The following UBE3C variants were observed in gnomAD, a reference collection of about 807,000 sequenced individuals.
The protein encoded by UBE3C is ubiquitin protein ligase E3C.
UBE3C carries 42 observed loss-of-function variants against 129.4 expected under a neutral mutation model. The observed-to-expected ratio is 0.32, with a 90% confidence interval of 0.25 to 0.42. The LOEUF is 0.42. Ranked by LOEUF, UBE3C falls within the 10% of genes least tolerant of loss-of-function variation. The pLI is 1.00. For synonymous variants in UBE3C, 510 were observed against 492.4 expected, an observed-to-expected ratio of 1.04 and a Z score of -0.47; for missense variants, 1,049 against 1,319.1, an observed-to-expected ratio of 0.80 and a Z score of 3.17.
At chr7:157,250,297 C>T (rs775264756) in intron 19 of UBE3C, among the ~76,000 whole-genome samples, 1 of 152,182 alleles carries the variant, frequency 6.6e-6, no homozygotes, top group Non-Finnish European at 1.5e-5. Flanking sequence ...CGGTTCACTG[C>T]ACCCTCAGCC....
intron 13 of UBE3C, among the ~76,000 whole-genome samples, chr7:157,215,080 C>G (rs1809697175): frequency 6.6e-6 from 1 of 152,210 alleles, no homozygotes; most frequent in Non-Finnish European, 1.5e-5. Flanking sequence ...TAAAATGCCA[C>G]AAGAGAATCG....
intron 21 of UBE3C, 38 bp downstream of exon 21, chr7:157,254,348 TGCAGGTGG>T (rs746542848): frequency 4.2e-5 from 53 of 1,274,676 alleles, no homozygotes; most frequent in Non-Finnish European, 5.4e-5. Context: ...CTGAAAATGT[TGCAGGTGG>T]TCATATTTCC....
At chr7:157,205,079 A>G (rs1809396057) in intron 11 of UBE3C, among the ~76,000 whole-genome samples, 1 of 152,214 alleles carries the variant, frequency 6.6e-6, no homozygotes, top group African/African-American at 2.4e-5. Context: ...TAAGTTGCAG[A>G]CTTTATTTGC....
chr7:157,254,499 G>A (rs1796697840), intron 21 of UBE3C, among the ~76,000 whole-genome samples, 189 bp downstream of exon 21: 1 of 151,654 alleles, frequency 6.6e-6, no homozygotes, highest in South Asian at 2.1e-4. Flanking sequence ...CCGGGTTCAA[G>A]CAATTCTCCT....
chr7:157,245,156 C>T (rs1229402418), intron 18 of UBE3C, among the ~76,000 whole-genome samples: 1 of 152,116 alleles, frequency 6.6e-6, no homozygotes, highest in Admixed American at 6.6e-5. Flanking sequence ...TTAAACCTGC[C>T]TCATGTAAAA....
chr7:157,191,391 G>T (rs958940397), intron 10 of UBE3C, among the ~76,000 whole-genome samples: 1 of 152,172 alleles, frequency 6.6e-6, no homozygotes, highest in African/African-American at 2.4e-5. Context: ...CCCAGGCTCA[G>T]GTGATCCTCC....
intron 8 of UBE3C, 74 bp downstream of exon 8, chr7:157,182,402 T>C (rs1808690137): frequency 6.8e-7 from 1 of 1,461,344 alleles, no homozygotes; most frequent in South Asian, 1.3e-5. Flanking sequence ...GAGAAGGCCA[T>C]GCAGTGGCAG....
Position 157,254,255 on chromosome 7 carries a change from T to G in UBE3C, c.2895T>G (p.Ser965=), listed in dbSNP as rs773376083. ...ACTTTTTTCCTTAGGTATTAATTTCTGGTGCACAAGTTCCCATAAGCCTAG... is the reference window on the plus strand; with the variant it reads ...ACTTTTTTCCTTAGGTATTAATTTCGGGTGCACAAGTTCCCATAAGCCTAG... ...FDQQEIQVLI[S]GAQVPISLED... is the part of the protein sequence containing the mutation. The change falls in exon 21 of 23, where the codon TCT becomes TCG. Residue 965 remains serine, a synonymous_variant. Transcript: ENST00000348165. The G allele has an allele frequency of 6.2e-7, 1 of 1,613,702 alleles. No individual in the cohort carries two copies. The highest frequency in any genetic ancestry group is 8.5e-7 in the Non-Finnish European group (1 of 1,179,912).
intron 10 of UBE3C, among the ~76,000 whole-genome samples, chr7:157,201,206 C>G (rs919609813): frequency 2.0e-5 from 3 of 151,854 alleles, no homozygotes; most frequent in Non-Finnish European, 4.4e-5. Context: ...CACCTGTAAT[C>G]CCAGGTACTC....
At chr7:157,198,036 A>T (rs1809172148) in intron 10 of UBE3C, 1 of 1,605,264 alleles carries the variant, frequency 6.2e-7, no homozygotes, top group Admixed American at 1.7e-5. Context: ...ACCATGAACA[A>T]GGCACTGAAG....
At chr7:157,161,320 TAAGTA>T (rs1193067799) in intron 1 of UBE3C, among the ~76,000 whole-genome samples, 15 of 152,240 alleles carry the variant, frequency 9.9e-5, no homozygotes, top group African/African-American at 2.7e-4. Flanking sequence ...TAAAGAATAT[TAAGTA>T]AACAATCATG....
At chr7:157,139,427 A>C in intron 1 of UBE3C, 89 bp downstream of exon 1, 1 of 1,206,432 alleles carries the variant, frequency 8.3e-7, no homozygotes, top group Non-Finnish European at 1.1e-6. Flanking sequence ...TCGGGGCTGG[A>C]CTCGGGGCCG....
In UBE3C at chr7:157,267,596, C is replaced by T. The variant is rs375084890; in HGVS notation, c.3093C>T (p.Pro1031=). 3.3e-5 allele frequency: 53 copies of T among 1,612,830 alleles called. No homozygotes were observed. Among genetic ancestry groups the T allele is most frequent in the African/African-American group, 1.1e-4 (8 of 74,960 alleles). The part of the protein sequence containing the change: ...PPLLGFKELY[P]AFCIHNGGSD... Reference sequence around the variant, plus strand: ...ATGCTGTTTTTCAGGAGTTGTATCCCGCATTTTGTATTCACAACGGAGGCT... The same window carrying T: ...ATGCTGTTTTTCAGGAGTTGTATCCTGCATTTTGTATTCACAACGGAGGCT... The change falls in exon 23 of 23, where the codon CCC becomes CCT. Residue 1031 remains proline (P), a synonymous_variant. Transcript: ENST00000348165.
At chr7:157,184,098 T>C in intron 9 of UBE3C, 69 bp downstream of exon 9, 1 of 1,573,424 alleles carries the variant, frequency 6.4e-7, no homozygotes, top group Non-Finnish European at 8.6e-7. Flanking sequence ...TAGCTTTCTG[T>C]CCACCCGTAG....
chr7:157,211,549 A>G (rs1474602960), intron 13 of UBE3C, among the ~76,000 whole-genome samples: 3 of 152,138 alleles, frequency 2.0e-5, no homozygotes, highest in African/African-American at 7.2e-5. Context: ...TGTGTGAAAA[A>G]TCAGGCCTTG....
At position 157,207,449 on chromosome 7, in the gene UBE3C, T is replaced by G. The variant is rs534411207; in HGVS notation, c.1470T>G (p.Phe490Leu). The change falls in exon 12 of 23, where the codon TTT becomes TTG. Residue 490 changes from phenylalanine to leucine, a missense_variant. Physicochemically the swap from Phe to Leu is conservative, Grantham distance 22. Coordinates refer to ENST00000348165, the MANE Select transcript of UBE3C (RefSeq NM_014671.3). ...QVISRGSPMS[F>L]EDSSRIIPLF... ...TATCCAGGGGTTCTCCTATGTCTTT[T>G]GAAGATTCTAGTCGAATCATCCCAC... is the stretch of plus-strand genomic sequence containing the variant. 5 of 1,614,046 alleles carry G rather than the reference T, an allele frequency of 3.1e-6. No homozygotes were observed. Among genetic ancestry groups the G allele is most frequent in the African/African-American group, 1.3e-5 (1 of 75,050 alleles).
At chr7:157,174,595 G>A (rs1032729748) in intron 4 of UBE3C, among the ~76,000 whole-genome samples, 17 of 152,132 alleles carry the variant, frequency 1.1e-4, no homozygotes, top group African/African-American at 2.9e-4. Flanking sequence ...TGGGACTACC[G>A]ATGTGTGCCA....
chr7:157,160,369 C>T (rs1808037805), intron 1 of UBE3C, among the ~76,000 whole-genome samples: 1 of 152,190 alleles, frequency 6.6e-6, no homozygotes, highest in African/African-American at 2.4e-5. Flanking sequence ...GCCCCTGCAG[C>T]AGCCACTTTC....
rs59140781 is a variant in UBE3C at position 157,256,540 on chromosome 7, A to G, written c.2951-374A>G. 723 of 158,458 alleles carry G rather than the reference A, an allele frequency of 4.6e-3. 5 individuals carry two copies. Among genetic ancestry groups the G allele is most frequent in the African/African-American group, 0.016 (687 of 41,658 alleles). The allele number at this position is 158,458 out of a possible 1,614,324, so 9.8% of individuals were successfully genotyped here. ...GTGGGGTGGGGGCGGGGGGAGGCAG[A>G]GAATTCCGCTTTTGCATTTACAATC... On this transcript the variant is annotated intron_variant, in intron 21 of 22. Transcript: ENST00000348165.
Sources: allele counts gnomAD v4.1 joint callset (sites outside exome capture counted in the v4.1 genomes callset), GRCh38; gene constraint gnomAD v4.1.1; transcripts MANE v1.5; gene names NCBI Gene and HGNC (gene_info 2026-07-23, HGNC 2026-07-21).